AXIN1: variants seen among roughly 807,000 people sequenced by gnomAD.
The protein encoded by AXIN1 is axin 1, also known as axin-1.
A neutral mutation model predicts 76.4 loss-of-function variants in AXIN1; 30 were observed. That is an observed-to-expected ratio of 0.39 (90% CI 0.29 to 0.53). The LOEUF is 0.53. Ranked by LOEUF, AXIN1 falls within the 20% of genes least tolerant of loss-of-function variation. The pLI, the probability that AXIN1 is intolerant of heterozygous loss-of-function variation, is 0.66. For missense variants in AXIN1, 1,140 were observed against 1,198.8 expected, an observed-to-expected ratio of 0.95 and a Z score of 0.72; for synonymous variants, 545 against 501.4, an observed-to-expected ratio of 1.09 and a Z score of -1.16.
chr16:320,740 T>TAC (rs1567287039), intron 2 of AXIN1, among the ~76,000 whole-genome samples: 1 of 95,202 alleles, frequency 1.1e-5, no homozygotes, highest in Non-Finnish European at 2.0e-5. Context: ...TATATATATA[T>TAC]ATATTTTTTT....
At chr16:290,909 T>G in intron 9 of AXIN1, 1 of 523,646 alleles carries the variant, frequency 1.9e-6, no homozygotes, top group Admixed American at 3.2e-5. Flanking sequence ...AGCCTGGCCG[T>G]GACACCTGTG....
chr16:300,482 G>C (rs1186249465), intron 5 of AXIN1, among the ~76,000 whole-genome samples: 1 of 151,842 alleles, frequency 6.6e-6, no homozygotes, highest in African/African-American at 2.4e-5. Flanking sequence ...TTACAGATGT[G>C]AGCCACTGTG....
chr16:291,345 C>G (rs1158492753), intron 8 of AXIN1, 48 bp from the exon 9 acceptor site: 1 of 1,486,412 alleles, frequency 6.7e-7, no homozygotes, highest in Non-Finnish European at 9.2e-7. Context: ...GGCCACCAGC[C>G]CTGGGGAGGG....
chr16:314,423 G>A (rs1420712168), intron 3 of AXIN1, 120 bp downstream of exon 3: 62 of 1,493,340 alleles, frequency 4.2e-5, no homozygotes, highest in Non-Finnish European at 5.3e-5. Context: ...GCTGCCATCC[G>A]CAAGAAACAG....
intron 5 of AXIN1, among the ~76,000 whole-genome samples, chr16:302,711 G>C (rs2052907203): frequency 6.6e-6 from 1 of 152,218 alleles, no homozygotes; most frequent in African/African-American, 2.4e-5. Context: ...TCTGAGGAGA[G>C]CTGAAGGTCT....
chr16:334,786 C>T (rs72481023), intron 2 of AXIN1, among the ~76,000 whole-genome samples: 30,506 of 151,194 alleles, frequency 0.2, 5,466 homozygotes, highest in African/African-American at 0.49. Flanking sequence ...CCCAGTGCCA[C>T]AGCATGCCAA....
intron 3 of AXIN1, among the ~76,000 whole-genome samples, chr16:310,824 C>G (rs1224915578): frequency 6.6e-6 from 1 of 152,248 alleles, no homozygotes; most frequent in African/African-American, 2.4e-5. Context: ...TGCTTGTGGC[C>G]TAGACCACTG....
At chr16:306,705 C>T (rs1014570766) in intron 4 of AXIN1, among the ~76,000 whole-genome samples, 2 of 152,214 alleles carry the variant, frequency 1.3e-5, no homozygotes, top group African/African-American at 4.8e-5. Flanking sequence ...CTTCAAGGAA[C>T]GTGGAGTATG....
At position 301,207 on chromosome 16, in the gene AXIN1, C is replaced by G. The variant is rs3743920; in HGVS notation, c.1255-2956G>C. Among the ~76,000 whole-genome samples the G allele has an allele frequency of 3.1e-4, 47 of 151,122 alleles. No homozygotes were observed. In the East Asian group the frequency reaches 8.6e-3, roughly 28 times the overall value. On this transcript the variant is annotated intron_variant, in intron 5 of 10. Transcript: ENST00000262320. The stretch of plus-strand genomic sequence containing the variant: ...AATGGCGTGAACCCGGGAGGCAGAG[C>G]TTGCAGTGAGCTGAGATCGTGCCAC...
chr16:310,187 G>T, intron 3 of AXIN1, 118 bp from the exon 4 acceptor site: 1 of 853,298 alleles, frequency 1.2e-6, no homozygotes, highest in Non-Finnish European at 1.9e-6. Context: ...ACACCTGTGA[G>T]CCACCACCAC....
chr16:306,473 C>A (rs1370920058), intron 4 of AXIN1, among the ~76,000 whole-genome samples: 1 of 152,210 alleles, frequency 6.6e-6, no homozygotes, highest in Non-Finnish European at 1.5e-5. Flanking sequence ...GTGGGACCCT[C>A]CGTGTGTGTG....
chr16:342,436 C>T (rs937412656), intron 2 of AXIN1, among the ~76,000 whole-genome samples: 3 of 152,216 alleles, frequency 2.0e-5, no homozygotes, highest in African/African-American at 4.8e-5. Flanking sequence ...TCCCCTAACA[C>T]GTGAGGCCTA....
At chr16:318,613 C>T (rs1188335771) in intron 2 of AXIN1, among the ~76,000 whole-genome samples, 1 of 152,102 alleles carries the variant, frequency 6.6e-6, no homozygotes, top group East Asian at 1.9e-4. Flanking sequence ...GTTCCAGGAT[C>T]CCCCCATATA....
At chr16:346,007 A>T (rs1320164000) in intron 2 of AXIN1, 141 bp downstream of exon 2, 1 of 788,836 alleles carries the variant, frequency 1.3e-6, no homozygotes, top group Non-Finnish European at 2.1e-6. Flanking sequence ...TATCACAAAT[A>T]AGAACAGAAC....
chr16:325,793 C>T (rs935307979), intron 2 of AXIN1, among the ~76,000 whole-genome samples: 16 of 152,206 alleles, frequency 1.1e-4, no homozygotes, highest in Non-Finnish European at 2.4e-4. Context: ...ATGACGGGGC[C>T]TTCGGAAACA....
At chr16:342,112 T>G (rs1405772753) in intron 2 of AXIN1, among the ~76,000 whole-genome samples, 3 of 152,220 alleles carry the variant, frequency 2.0e-5, no homozygotes, top group Non-Finnish European at 4.4e-5. Context: ...GTGTGGAAGC[T>G]TTGTTCTTTC....
intron 3 of AXIN1, 150 bp downstream of exon 3, chr16:314,393 C>T: frequency 8.0e-7 from 1 of 1,250,318 alleles, no homozygotes. Flanking sequence ...CCGCGCTCTG[C>T]AGCAGGGTGG....
chr16:321,315 T>TTTCCATACCCA (rs1382747930), intron 2 of AXIN1, among the ~76,000 whole-genome samples: 196 of 151,870 alleles, frequency 1.3e-3, no homozygotes, highest in African/African-American at 2.3e-3. Context: ...AGGCACCACA[T>TTTCCATACCCA]GGCACCTGCT....
At chr16:288,275 T>G (rs2141460828) in intron 10 of AXIN1, 27 bp from the exon 11 acceptor site, 1 of 1,613,250 alleles carries the variant, frequency 6.2e-7, no homozygotes, top group Non-Finnish European at 8.5e-7. Context: ...AGGAGGGCAG[T>G]GAGCAGGCAG....
Sources: allele counts gnomAD v4.1 joint callset (sites outside exome capture counted in the v4.1 genomes callset), GRCh38; gene constraint gnomAD v4.1.1; transcripts MANE v1.5; gene names NCBI Gene and HGNC (gene_info 2026-07-23, HGNC 2026-07-21).